Variants in RIT2 observed in about 807,000 individuals in gnomAD.
RIT2 encodes the protein GTP-binding protein Rit2.
Under a neutral mutation model 23.7 loss-of-function variants are expected in RIT2, and 24 were observed. That is an observed-to-expected ratio of 1.01 (90% CI 0.73 to 1.43). The LOEUF (loss-of-function observed/expected upper bound fraction) is 1.43, where lower values mean the gene tolerates loss of function less well. Among genes scored for constraint, RIT2 ranks in the 40% most tolerant of loss-of-function variants. The pLI, the probability that RIT2 is intolerant of heterozygous loss-of-function variation, is 0.00. For missense variants in RIT2, 236 were observed against 266.9 expected (o/e 0.88, Z 0.81); for synonymous variants, 107 against 91.1 (o/e 1.17, Z -0.99).
chr18:42,823,738 C>T (rs1412170811), intron 4 of RIT2, among the ~76,000 whole-genome samples: 1 of 152,006 alleles, frequency 6.6e-6, no homozygotes, highest in East Asian at 1.9e-4. Context: ...TTATATTCAC[C>T]ATTCTATTTA....
At chr18:43,069,159 T>C (rs1459996156) in intron 1 of RIT2, among the ~76,000 whole-genome samples, 2 of 152,180 alleles carry the variant, frequency 1.3e-5, no homozygotes, top group African/African-American at 4.8e-5. Flanking sequence ...TAATCCTTTA[T>C]CACAAACCCT....
intron 3 of RIT2, among the ~76,000 whole-genome samples, chr18:42,936,826 C>T (rs1415946739): frequency 6.6e-6 from 1 of 151,820 alleles, no homozygotes; most frequent in Non-Finnish European, 1.5e-5. Flanking sequence ...AGCTTGACCA[C>T]CATGGTAAAA....
intron 2 of RIT2, among the ~76,000 whole-genome samples, chr18:42,995,181 CT>C (rs1910951392): frequency 6.6e-6 from 1 of 152,192 alleles, no homozygotes; most frequent in Non-Finnish European, 1.5e-5. Flanking sequence ...CTTAAAACCT[CT>C]CATTTCCTTT....
At chr18:42,876,815 A>G (rs1317167531) in intron 4 of RIT2, among the ~76,000 whole-genome samples, 1 of 151,802 alleles carries the variant, frequency 6.6e-6, no homozygotes, top group Non-Finnish European at 1.5e-5. Flanking sequence ...TTCCCACATC[A>G]TTTGATATTT....
intron 4 of RIT2, among the ~76,000 whole-genome samples, chr18:42,860,087 G>T (rs1907288344): frequency 6.6e-6 from 1 of 152,142 alleles, no homozygotes; most frequent in African/African-American, 2.4e-5. Flanking sequence ...ATATCCTGGG[G>T]ACAAGTCTTT....
intron 4 of RIT2, among the ~76,000 whole-genome samples, chr18:42,780,036 T>C (rs1409211046): frequency 7.1e-6 from 1 of 139,964 alleles, no homozygotes; most frequent in East Asian, 2.4e-4. Flanking sequence ...TAGTCAAGTC[T>C]CAATTTAGAG....
rs1433756249 is a variant in RIT2, at chr18:42,759,748, CACACACAT to C, written c.427-16036_427-16029del. ...ACACACACACACACACACACACACA[CACACACAT>C]ACGGATATATATATATATATATATA... is the stretch of plus-strand genomic sequence containing the variant. On this transcript the variant is annotated intron_variant, in intron 4 of 4. Coordinates refer to ENST00000326695, the MANE Select transcript of RIT2 (RefSeq NM_002930.4). Among the ~76,000 whole-genome samples, 44 of 111,976 alleles carry C rather than the reference CACACACAT, an allele frequency of 3.9e-4. 1 individual carries two copies. Among genetic ancestry groups the C allele is most frequent in the African/African-American group, 8.3e-4 (26 of 31,444 alleles). The allele number at this position is 111,976 out of a possible 152,430, so 73.5% of individuals were successfully genotyped here. A position where few individuals can be genotyped will look rare whatever the true frequency, so the allele number is the denominator to read the frequency against.
intron 1 of RIT2, among the ~76,000 whole-genome samples, 166 bp downstream of exon 1, chr18:43,115,251 T>G (rs1216557242): frequency 6.6e-6 from 1 of 152,182 alleles, no homozygotes; most frequent in Non-Finnish European, 1.5e-5. Flanking sequence ...CTCATCAGCA[T>G]CGGTTTAACA....
chr18:42,861,956 C>G (rs1907338948), intron 4 of RIT2, among the ~76,000 whole-genome samples: 1 of 152,118 alleles, frequency 6.6e-6, no homozygotes, highest in Non-Finnish European at 1.5e-5. Context: ...TTGCAACTAC[C>G]ACAATCCTAA....
At chr18:42,821,443 G>C (rs1383517824) in intron 4 of RIT2, among the ~76,000 whole-genome samples, 1 of 152,126 alleles carries the variant, frequency 6.6e-6, no homozygotes, top group Non-Finnish European at 1.5e-5. Flanking sequence ...GGCCGTAACT[G>C]TTACTTTAAA....
intron 1 of RIT2, among the ~76,000 whole-genome samples, chr18:43,083,251 C>T (rs1568076939): frequency 1.3e-5 from 2 of 152,150 alleles, no homozygotes; most frequent in African/African-American, 4.8e-5. Flanking sequence ...AATGGAAAAA[C>T]ATTCCATGCT....
At chr18:42,902,626 C>T (rs1335288793) in intron 4 of RIT2, among the ~76,000 whole-genome samples, 1 of 150,792 alleles carries the variant, frequency 6.6e-6, no homozygotes, top group African/African-American at 2.4e-5. Context: ...AATTGGAGGG[C>T]CATTGAGGTA....
chr18:42,996,660 T>C, intron 2 of RIT2, among the ~76,000 whole-genome samples: 1 of 150,878 alleles, frequency 6.6e-6, no homozygotes, highest in East Asian at 2.0e-4. Context: ...GTAATTTTCC[T>C]TTACCTACCC....
At chr18:42,765,294 T>C (rs1913394613) in intron 4 of RIT2, among the ~76,000 whole-genome samples, 1 of 152,216 alleles carries the variant, frequency 6.6e-6, no homozygotes, top group South Asian at 2.1e-4. Context: ...ACTCAATTCA[T>C]GGACAATTTA....
chr18:42,804,399 C>T (rs1323431066), intron 4 of RIT2, among the ~76,000 whole-genome samples: 2 of 151,206 alleles, frequency 1.3e-5, no homozygotes, highest in African/African-American at 2.4e-5. Context: ...ACTAAAAATA[C>T]AAAAAATGAG....
At chr18:42,882,257 T>C (rs765096301) in intron 4 of RIT2, among the ~76,000 whole-genome samples, 8 of 152,348 alleles carry the variant, frequency 5.3e-5, no homozygotes, top group Non-Finnish European at 1.0e-4. Context: ...CTTCCTCATA[T>C]GACATCTGTC....
chr18:42,983,651 G>C (rs1910645740), intron 2 of RIT2, among the ~76,000 whole-genome samples: 1 of 151,878 alleles, frequency 6.6e-6, no homozygotes, highest in Non-Finnish European at 1.5e-5. Context: ...CAAAACTCAA[G>C]AGTAAAAGCA....
intron 4 of RIT2, among the ~76,000 whole-genome samples, chr18:42,807,827 A>C (rs1905728139): frequency 7.2e-6 from 1 of 138,966 alleles, no homozygotes; most frequent in Admixed American, 7.2e-5. Flanking sequence ...GTGTGTGTGT[A>C]ATCTGAAGGA....
chr18:43,083,597 T>G (rs545640186), intron 1 of RIT2, among the ~76,000 whole-genome samples: 1 of 152,268 alleles, frequency 6.6e-6, no homozygotes, highest in Admixed American at 6.5e-5. Flanking sequence ...CCATCTGATC[T>G]TTTACAAACC....
Sources: allele counts gnomAD v4.1 joint callset (sites outside exome capture counted in the v4.1 genomes callset), GRCh38; gene constraint gnomAD v4.1.1; transcripts MANE v1.5; gene names NCBI Gene and HGNC (gene_info 2026-07-23, HGNC 2026-07-21).